The following CELF2 variants were observed in gnomAD, a reference collection of about 807,000 sequenced individuals.
CELF2 encodes the protein CUGBP Elav-like family member 2.
A neutral mutation model predicts 62.6 loss-of-function variants in CELF2; 8 were observed. The observed-to-expected ratio is 0.13, with a 90% confidence interval of 0.07 to 0.23. The LOEUF is 0.23. Ranked by LOEUF, CELF2 falls within the 10% of genes least tolerant of loss-of-function variation. The pLI, the probability that CELF2 is intolerant of heterozygous loss-of-function variation, is 1.00. For synonymous variants in CELF2, 258 were observed against 250.0 expected, an observed-to-expected ratio of 1.03 and a Z score of -0.30; for missense variants, 333 against 671.0, an observed-to-expected ratio of 0.50 and a Z score of 5.56.
At chr10:10,462,861 T>C in the CELF2 span, among the ~76,000 whole-genome samples, 2 of 152,140 alleles carry the variant, frequency 1.3e-5, no homozygotes, top group Non-Finnish European at 1.5e-5. Context: ...GCTAAGATTG[T>C]CGCACTATGA....
At chr10:10,933,197 G>A (rs1231214185) in intron 2 of CELF2, among the ~76,000 whole-genome samples, 1 of 151,910 alleles carries the variant, frequency 6.6e-6, no homozygotes, top group Non-Finnish European at 1.5e-5. Context: ...CAGTGACTCA[G>A]GAGGCTGAGG....
chr10:10,668,339 C>T, the CELF2 span, among the ~76,000 whole-genome samples: 2 of 152,120 alleles, frequency 1.3e-5, no homozygotes, highest in Non-Finnish European at 2.9e-5. Context: ...GGACATTGAT[C>T]TGTCAAGCAG....
chr10:10,817,232 A>C (rs979667872), intron 1 of CELF2, among the ~76,000 whole-genome samples: 5 of 152,162 alleles, frequency 3.3e-5, no homozygotes, highest in Non-Finnish European at 7.3e-5. Flanking sequence ...GTGGGTGTAC[A>C]TATTTATGAG....
At chr10:10,735,336 A>C in the CELF2 span, among the ~76,000 whole-genome samples, 1 of 152,230 alleles carries the variant, frequency 6.6e-6, no homozygotes, top group Non-Finnish European at 1.5e-5. Flanking sequence ...AACTTTTAAA[A>C]ATCTCATCCG....
At chr10:10,645,945 T>G in the CELF2 span, among the ~76,000 whole-genome samples, 3 of 152,228 alleles carry the variant, frequency 2.0e-5, no homozygotes, top group African/African-American at 7.2e-5. Context: ...GACATCAGGA[T>G]GCTAACTTCC....
At chr10:10,905,969 C>T (rs571654075) in intron 1 of CELF2, among the ~76,000 whole-genome samples, 13 of 151,810 alleles carry the variant, frequency 8.6e-5, no homozygotes, top group Non-Finnish European at 1.5e-4. Context: ...TATCAGGGCA[C>T]CTGAGGCAGG....
intron 5 of CELF2, among the ~76,000 whole-genome samples, chr10:11,259,008 A>G (rs1335876099): frequency 6.6e-6 from 1 of 152,224 alleles, no homozygotes; most frequent in East Asian, 1.9e-4. Context: ...CTTACAGGAA[A>G]TCCATATTCT....
chr10:11,003,001 A>T (rs1401776221), upstream of CELF2, among the ~76,000 whole-genome samples: 1 of 152,158 alleles, frequency 6.6e-6, no homozygotes, highest in Non-Finnish European at 1.5e-5. The surrounding 1 kb of genome is among the most constrained non-coding windows in gnomAD (Gnocchi z 4.4). Context: ...TTCCATGTGG[A>T]GTTGGGGAGG....
chr10:11,022,028 G>C (rs1008123711), intron 1 of CELF2, among the ~76,000 whole-genome samples: 3 of 152,156 alleles, frequency 2.0e-5, no homozygotes, highest in Non-Finnish European at 4.4e-5. Context: ...ATCAAAAGCA[G>C]TGGGGTTCTG....
chr10:10,564,162 C>A, the CELF2 span, among the ~76,000 whole-genome samples: 5 of 152,214 alleles, frequency 3.3e-5, no homozygotes, highest in African/African-American at 1.2e-4. Context: ...CACTTCCAAG[C>A]AAGTTAAACT....
the CELF2 span, among the ~76,000 whole-genome samples, chr10:10,629,323 C>T: frequency 6.6e-6 from 1 of 152,152 alleles, no homozygotes; most frequent in South Asian, 2.1e-4. Flanking sequence ...ATTTTCCTAT[C>T]CCCTGAAAAT....
intron 1 of CELF2, among the ~76,000 whole-genome samples, chr10:11,083,663 C>T (rs1000008989): frequency 3.3e-5 from 5 of 152,194 alleles, no homozygotes; most frequent in African/African-American, 9.7e-5. Context: ...TGTAGTTACT[C>T]TCTGCCCCAT....
At chr10:10,693,668 G>A in the CELF2 span, among the ~76,000 whole-genome samples, 2 of 151,432 alleles carry the variant, frequency 1.3e-5, no homozygotes, top group Non-Finnish European at 2.9e-5. Context: ...GTAAGCTATT[G>A]ATTATTGCCA....
the CELF2 span, among the ~76,000 whole-genome samples, chr10:10,582,687 A>C: frequency 6.6e-6 from 1 of 152,304 alleles, no homozygotes; most frequent in South Asian, 2.1e-4. Flanking sequence ...GAGCTATACT[A>C]GCTGGTCTAG....
At chr10:11,249,315 G>A (rs2076469001) in intron 4 of CELF2, 114 bp downstream of exon 4, 1 of 806,210 alleles carries the variant, frequency 1.2e-6, no homozygotes, top group Admixed American at 2.0e-5. Flanking sequence ...AGGACAGAGA[G>A]CGCTGCTCCT....
Position 11,093,742 on chromosome 10 carries a change from G to A in CELF2, c.75-71744G>A, listed in dbSNP as rs76158448. Among the ~76,000 whole-genome samples, 180 of 152,112 alleles carry A rather than the reference G, an allele frequency of 1.2e-3. 1 individual carries two copies. Among genetic ancestry groups the A allele is most frequent in the African/African-American group, 4.0e-3 (168 of 41,496 alleles). On this transcript the variant is annotated intron_variant, in intron 1 of 12. Transcript: ENST00000633077. Reference sequence around the variant, plus strand: ...TCAACTGAATCAGCCAGTCAATTCCGTTAACATGGTCCAAATTGTCTATGT... The same window carrying A: ...TCAACTGAATCAGCCAGTCAATTCCATTAACATGGTCCAAATTGTCTATGT...
chr10:10,804,941 T>C (rs1169211692), intron 1 of CELF2, among the ~76,000 whole-genome samples: 1 of 152,250 alleles, frequency 6.6e-6, no homozygotes, highest in Non-Finnish European at 1.5e-5. Context: ...ACATGACATC[T>C]TAAAGATGTA....
the CELF2 span, among the ~76,000 whole-genome samples, chr10:10,671,730 C>CT: frequency 2.2e-3 from 321 of 143,666 alleles, no homozygotes; most frequent in Middle Eastern, 3.8e-3. Context: ...ATCTGTATGT[C>CT]TTTTTTTTTT....
chr10:10,605,453 C>G, the CELF2 span, among the ~76,000 whole-genome samples: 1 of 152,150 alleles, frequency 6.6e-6, no homozygotes, highest in Non-Finnish European at 1.5e-5. Flanking sequence ...AAAAACATAA[C>G]TCCTACTATC....
Sources: allele counts gnomAD v4.1 joint callset (sites outside exome capture counted in the v4.1 genomes callset), GRCh38; gene constraint gnomAD v4.1.1; non-coding constraint Gnocchi (gnomAD v3.1); transcripts MANE v1.5; gene names NCBI Gene and HGNC (gene_info 2026-07-23, HGNC 2026-07-21).